Variants in BNC2 observed in about 807,000 individuals in gnomAD.
BNC2 encodes the protein zinc finger protein basonuclin-2.
Under a neutral mutation model 76.3 loss-of-function variants are expected in BNC2, and 20 were observed. That is an observed-to-expected ratio of 0.26 (90% confidence interval 0.18 to 0.38). BNC2 has a LOEUF of 0.38. BNC2 is among the 10% of genes least tolerant of loss of function. The pLI, the probability that BNC2 is intolerant of heterozygous loss-of-function variation, is 1.00. For synonymous variants in BNC2, 582 were observed against 514.8 expected, an observed-to-expected ratio of 1.13 and a Z score of -1.77; for missense variants, 1,382 against 1,399.8, an observed-to-expected ratio of 0.99 and a Z score of 0.20.
chr9:16,463,291 A>ATTTTTTTTTTTTT (rs1261254719), intron 5 of BNC2, among the ~76,000 whole-genome samples: 1 of 98,022 alleles, frequency 1.0e-5, no homozygotes, highest in African/African-American at 5.4e-5. Flanking sequence ...CAAGTATTAA[A>ATTTTTTTTTTTTT]TTCTTTTTTT....
chr9:16,771,286 A>C (rs1176121915), intron 1 of BNC2, among the ~76,000 whole-genome samples: 1 of 152,238 alleles, frequency 6.6e-6, no homozygotes, highest in Non-Finnish European at 1.5e-5. Flanking sequence ...CAATTTGCTG[A>C]GACTGATAGG....
At chr9:16,710,037 TTC>T (rs1337758371) in intron 3 of BNC2, among the ~76,000 whole-genome samples, 2 of 152,108 alleles carry the variant, frequency 1.3e-5, no homozygotes, top group Non-Finnish European at 2.9e-5. Flanking sequence ...GAAACAGACA[TTC>T]TCTTATTTTC....
chr9:16,689,886 TCC>T (rs1308047920), intron 3 of BNC2, among the ~76,000 whole-genome samples: 1 of 151,520 alleles, frequency 6.6e-6, no homozygotes, highest in Non-Finnish European at 1.5e-5. Context: ...TCACCAGGAG[TCC>T]CTGTGAGAAA....
chr9:16,626,565 G>C (rs112504925), intron 3 of BNC2, among the ~76,000 whole-genome samples: 1 of 152,070 alleles, frequency 6.6e-6, no homozygotes, highest in Non-Finnish European at 1.5e-5. Context: ...AACAAAGACA[G>C]AGACCTGGTT....
At chr9:16,779,788 A>C (rs1002379564) in intron 1 of BNC2, among the ~76,000 whole-genome samples, 2 of 152,206 alleles carry the variant, frequency 1.3e-5, no homozygotes, top group Non-Finnish European at 2.9e-5. Context: ...CAATCCATAG[A>C]GAAAAAGTAG....
At chr9:16,867,421 T>C (rs895058664) in intron 1 of BNC2, 2 of 152,186 alleles carry the variant, frequency 1.3e-5, no homozygotes, top group African/African-American at 4.8e-5. Context: ...AATAATACAG[T>C]TGAAGTATGC....
intron 1 of BNC2, among the ~76,000 whole-genome samples, chr9:16,791,645 G>A (rs531906353): frequency 9.6e-4 from 146 of 152,224 alleles, no homozygotes; most frequent in African/African-American, 3.4e-3. Flanking sequence ...TATAACAGAT[G>A]AGAGGAGAAA....
chr9:16,870,106 A>T (rs10121817), intron 1 of BNC2, among the ~76,000 whole-genome samples: 1 of 152,116 alleles, frequency 6.6e-6, no homozygotes, highest in South Asian at 2.1e-4. Context: ...ATGTGAAGAC[A>T]AGGGGAGAGG....
intron 1 of BNC2, among the ~76,000 whole-genome samples, chr9:16,849,011 A>G (rs1343700962): frequency 6.6e-6 from 1 of 152,294 alleles, no homozygotes; most frequent in East Asian, 1.9e-4. Flanking sequence ...AAATGTAAAT[A>G]TTCCAAAATC....
At chr9:16,571,221 T>C (rs987179275) in intron 4 of BNC2, among the ~76,000 whole-genome samples, 5 of 152,126 alleles carry the variant, frequency 3.3e-5, no homozygotes, top group Non-Finnish European at 7.4e-5. Flanking sequence ...TAATAGCTTT[T>C]TTTAATTAAA....
chr9:16,592,869 A>T lies in BNC2; in HGVS notation c.331-9784T>A, dbSNP rs1819971361. ...TTAATACACGGACGGTGAACAAAGA[A>T]ATTTTACTGTTGCTTATATTTGAAA... On this transcript the variant is annotated intron_variant, in intron 3 of 6. Transcript: ENST00000380672. 2.0e-5 allele frequency among the ~76,000 whole-genome samples: 3 copies of T among 152,148 alleles called. No individual in the cohort carries two copies. The South Asian group carries it at 6.2e-4, about 31-fold the overall frequency.
At chr9:16,511,172 C>T (rs931607223) in intron 5 of BNC2, among the ~76,000 whole-genome samples, 3 of 142,412 alleles carry the variant, frequency 2.1e-5, no homozygotes, top group African/African-American at 5.3e-5. Context: ...TGCAGTGGTG[C>T]GATCATACCT....
At chr9:16,426,343 T>C (rs1587012247) in intron 6 of BNC2, among the ~76,000 whole-genome samples, 1 of 143,968 alleles carries the variant, frequency 6.9e-6, no homozygotes, top group Non-Finnish European at 1.5e-5. Flanking sequence ...TTTTTTTTTG[T>C]CAGTATAGAT....
At chr9:16,697,014 C>T (rs1380764980) in intron 3 of BNC2, among the ~76,000 whole-genome samples, 1 of 152,306 alleles carries the variant, frequency 6.6e-6, no homozygotes, top group South Asian at 2.1e-4. Flanking sequence ...GAACATGACT[C>T]CAACTAAGCA....
chr9:16,558,810 T>TC (rs768610699), intron 4 of BNC2, among the ~76,000 whole-genome samples: 5 of 151,642 alleles, frequency 3.3e-5, no homozygotes, highest in African/African-American at 1.2e-4. Flanking sequence ...GCACCTGTAG[T>TC]CCCAGCTACT....
chr9:16,747,676 G>C lies in BNC2; in HGVS notation c.4-9191C>G, dbSNP rs1388403552. On this transcript the variant is annotated intron_variant, in intron 1 of 6. Coordinates refer to ENST00000380672, the MANE Select transcript of BNC2 (RefSeq NM_017637.6). ...CAAATATCCAGCATTGCCTCTCCAGGTTTCTACCATTTTAGACAAGAATTT... is the reference window on the plus strand; with the variant it reads ...CAAATATCCAGCATTGCCTCTCCAGCTTTCTACCATTTTAGACAAGAATTT... Among the ~76,000 whole-genome samples, 5 of 152,134 alleles carry C rather than the reference G, an allele frequency of 3.3e-5. No homozygotes were observed. The East Asian group carries it at 9.6e-4, about 29-fold the overall frequency.
chr9:16,700,879 CT>C (rs2134568684), intron 3 of BNC2, among the ~76,000 whole-genome samples: 1 of 152,252 alleles, frequency 6.6e-6, no homozygotes, highest in South Asian at 2.1e-4. Flanking sequence ...AGACATGAGA[CT>C]TTCTTGAACC....
intron 3 of BNC2, among the ~76,000 whole-genome samples, chr9:16,692,928 G>C (rs117888774): frequency 6.6e-6 from 1 of 151,954 alleles, no homozygotes; most frequent in African/African-American, 2.4e-5. Flanking sequence ...TCAGGAATTC[G>C]ACACTAGCCT....
chr9:16,817,653 G>T (rs1045030829), intron 1 of BNC2, among the ~76,000 whole-genome samples: 3 of 152,152 alleles, frequency 2.0e-5, no homozygotes, highest in Non-Finnish European at 4.4e-5. Context: ...CCTCTCCCTT[G>T]CCAGAGTATG....
Sources: allele counts gnomAD v4.1 joint callset (sites outside exome capture counted in the v4.1 genomes callset), GRCh38; gene constraint gnomAD v4.1.1; transcripts MANE v1.5; gene names NCBI Gene and HGNC (gene_info 2026-07-23, HGNC 2026-07-21).